Variants in KLHDC8A observed in about 807,000 individuals in gnomAD.
KLHDC8A encodes the protein kelch domain containing 8A, also known as kelch domain-containing protein 8A.
KLHDC8A carries 21 observed loss-of-function variants against 33.1 expected under a neutral mutation model. That is an observed-to-expected ratio of 0.64 (90% CI 0.45 to 0.91). The LOEUF (loss-of-function observed/expected upper bound fraction) is 0.91, where lower values mean the gene tolerates loss of function less well. KLHDC8A is among the 40% of genes least tolerant of loss of function. KLHDC8A has a pLI of 0.00. For synonymous variants in KLHDC8A, 173 were observed against 193.5 expected (o/e 0.89, Z 0.88); for missense variants, 435 against 483.3 (o/e 0.90, Z 0.94).
chr1:205,347,117 G>A (rs141303225), intron 1 of KLHDC8A, among the ~76,000 whole-genome samples: 3 of 152,070 alleles, frequency 2.0e-5, no homozygotes, highest in Admixed American at 6.6e-5. Flanking sequence ...CTTCCTCTCC[G>A]CCAGGTAACA....
intron 1 of KLHDC8A, among the ~76,000 whole-genome samples, chr1:205,352,229 C>T (rs921185592): frequency 2.6e-5 from 4 of 152,202 alleles, no homozygotes; most frequent in Non-Finnish European, 5.9e-5. Context: ...TAAGAGCCCA[C>T]CAGCCTCCCT....
intron 2 of KLHDC8A, among the ~76,000 whole-genome samples, chr1:205,341,865 G>T (rs980043571): frequency 2.0e-5 from 3 of 152,136 alleles, no homozygotes; most frequent in African/African-American, 7.2e-5. Flanking sequence ...TAGCTGGGAT[G>T]GTCTTGATCT....
At chr1:205,345,996 C>T (rs893176924) in intron 1 of KLHDC8A, among the ~76,000 whole-genome samples, 3 of 152,206 alleles carry the variant, frequency 2.0e-5, no homozygotes, top group Non-Finnish European at 2.9e-5. Context: ...ATCACTTGAA[C>T]GCGGGAAGCG....
At chr1:205,353,395 G>A (rs2102302701) in intron 1 of KLHDC8A, among the ~76,000 whole-genome samples, 1 of 152,360 alleles carries the variant, frequency 6.6e-6, no homozygotes, top group African/African-American at 2.4e-5. Context: ...GCAGAATGGA[G>A]TAGTTGCAAC....
At chr1:205,346,392 C>T (rs921007594) in intron 1 of KLHDC8A, among the ~76,000 whole-genome samples, 4 of 152,186 alleles carry the variant, frequency 2.6e-5, no homozygotes, top group African/African-American at 7.2e-5. Flanking sequence ...TTGTTGGAGT[C>T]CATCCTTAGC....
intron 1 of KLHDC8A, among the ~76,000 whole-genome samples, chr1:205,347,493 G>A (rs1662978668): frequency 6.6e-6 from 1 of 152,200 alleles, no homozygotes; most frequent in African/African-American, 2.4e-5. Context: ...GCCGAGGCAG[G>A]TGATTACATG....
chr1:205,347,867 T>C (rs1457460161), intron 1 of KLHDC8A, among the ~76,000 whole-genome samples: 2 of 152,208 alleles, frequency 1.3e-5, no homozygotes, highest in African/African-American at 4.8e-5. Flanking sequence ...TCAATCAAAC[T>C]TGAGGATGCT....
At chr1:205,342,000 A>G (rs960210454) in intron 2 of KLHDC8A, among the ~76,000 whole-genome samples, 1 of 152,228 alleles carries the variant, frequency 6.6e-6, no homozygotes, top group African/African-American at 2.4e-5. Flanking sequence ...TGTTAAATCT[A>G]CAGCCCCAGC....
intron 1 of KLHDC8A, among the ~76,000 whole-genome samples, chr1:205,349,720 A>T (rs1663041938): frequency 6.6e-6 from 1 of 152,244 alleles, no homozygotes; most frequent in Non-Finnish European, 1.5e-5. Context: ...CAGCAATGTC[A>T]GAAACCTGAA....
intron 1 of KLHDC8A, among the ~76,000 whole-genome samples, chr1:205,350,245 G>A: frequency 6.6e-6 from 1 of 152,040 alleles, no homozygotes; most frequent in East Asian, 1.9e-4. Context: ...CCCAGGACAA[G>A]GGGGTGCCTT....
In KLHDC8A at chr1:205,356,622, C is replaced by G. The variant is rs1437355161; in HGVS notation, c.-279G>C. 2 of 455,650 alleles carry G rather than the reference C, an allele frequency of 4.4e-6. No homozygotes were observed. The highest frequency in any genetic ancestry group is 8.8e-6 in the Non-Finnish European group (2 of 226,808). 28.2% of individuals were successfully genotyped at this position (455,650 alleles called of 1,614,324 possible). On this transcript the variant is annotated 5_prime_UTR_variant, in exon 1 of 6. Transcript: ENST00000367155. ...CGGGAGAGGGTCGAGCGGGTGTTGG[C>G]TCTGAGGCTTGTCCTAGGAGCTGGC...
In KLHDC8A at chr1:205,336,089, C is replaced by A. The variant is rs928546610; in HGVS notation, c.*1310G>T. Reference sequence around the variant, plus strand: ...TGAGTGATACCTGACTCCTCCAGAACCCTTCAGGGCAGGCATTTTATTCAT... The same window carrying A: ...TGAGTGATACCTGACTCCTCCAGAAACCTTCAGGGCAGGCATTTTATTCAT... On this transcript the variant is annotated 3_prime_UTR_variant, in exon 6 of 6. Transcript: ENST00000367155. 1 of 152,154 alleles carries A rather than the reference C, an allele frequency of 6.6e-6. No homozygotes were observed. Among genetic ancestry groups the A allele is most frequent in the Non-Finnish European group, 1.5e-5 (1 of 68,026 alleles). 9.4% of individuals were successfully genotyped at this position (152,154 alleles called of 1,614,324 possible). A position where few individuals can be genotyped will look rare whatever the true frequency, so the allele number is the denominator to read the frequency against.
Position 205,339,831 on chromosome 1 carries a change from C to T in KLHDC8A, c.377-23G>A, listed in dbSNP as rs1191196356. On this transcript the variant is annotated intron_variant, in intron 2 of 5. Coordinates refer to ENST00000367155, the MANE Select transcript of KLHDC8A (RefSeq NM_018203.3). The surrounding 1 kb of genome is among the most constrained non-coding windows in gnomAD (Gnocchi z 5.1). ...AATCTAAGAAGAAAGGCCATACATG[C>T]CCCTGGCTTAGCTCACAGGTACAGC... is the stretch of plus-strand genomic sequence containing the variant. 7.5e-6 allele frequency: 12 copies of T among 1,608,274 alleles called. No individual in the cohort carries two copies. The highest frequency in any genetic ancestry group is 1.1e-5 in the South Asian group (1 of 90,524).
chr1:205,337,315 G>T lies in KLHDC8A; in HGVS notation c.*84C>A. 8.5e-7 allele frequency: 1 copy of T among 1,176,540 alleles called. No individual in the cohort carries two copies. Among genetic ancestry groups the T allele is most frequent in the Non-Finnish European group, 1.3e-6 (1 of 799,480 alleles). 72.9% of individuals were successfully genotyped at this position (1,176,540 alleles called of 1,614,324 possible). On this transcript the variant is annotated 3_prime_UTR_variant, in exon 6 of 6. Transcript: ENST00000367155. ...ACAGGAGCTGACATTCTTGGAAGTA[G>T]CCCCGACTGCTTGGACAAGATCATT...
In KLHDC8A at chr1:205,339,240, C is replaced by T. The variant is rs1105387; in HGVS notation, c.711G>A (p.Arg237=). The change falls in exon 4 of 6, where the codon CGG becomes CGA. Residue 237 remains arginine, a synonymous_variant. Coordinates refer to ENST00000367155, the MANE Select transcript of KLHDC8A (RefSeq NM_018203.3). The surrounding 1 kb of genome is among the most constrained non-coding windows in gnomAD (Gnocchi z 5.1). The stretch of plus-strand genomic sequence containing the variant: ...CCATCGTCCGCAGGAACTTGGGCTG[C>T]CGGTAGAGGCGACCTTGCCGCAGGC... ...LGGLRQGRLY[R]QPKFLRTMDV... The T allele has an allele frequency of 0.27, 441,395 of 1,613,424 alleles. 63,216 individuals carry two copies. Among genetic ancestry groups the T allele is most frequent in the Non-Finnish European group, 0.3 (349,062 of 1,179,462 alleles).
intron 2 of KLHDC8A, 200 bp from the exon 3 acceptor site, chr1:205,340,008 T>A (rs181979479): frequency 5.3e-5 from 21 of 393,558 alleles, no homozygotes; most frequent in East Asian, 5.2e-4. Flanking sequence ...CTGTTTCTTT[T>A]TTTTTATTTT....
chr1:205,338,510 C>T lies in KLHDC8A; in HGVS notation c.844G>A (p.Val282Met). The T allele has an allele frequency of 6.2e-7, 1 of 1,613,868 alleles. No homozygotes were observed. Among genetic ancestry groups the T allele is most frequent in the Non-Finnish European group, 8.5e-7 (1 of 1,179,718 alleles). ...VAGSLSGRVI[V>M]AGGLGNQPTV... ...CCATCCTTACCAAGTCCCCCAGCCA[C>T]TATGACCCGTCCACTCAGAGAGCCA... Residue 282 changes from valine to methionine, a missense_variant, in exon 5 of 6, where the codon GTG becomes ATG. Val to Met is a conservative substitution (Grantham distance 21). Coordinates refer to ENST00000367155, the MANE Select transcript of KLHDC8A (RefSeq NM_018203.3).
chr1:205,347,037 G>A (rs1410612104), intron 1 of KLHDC8A, among the ~76,000 whole-genome samples: 1 of 152,160 alleles, frequency 6.6e-6, no homozygotes. Context: ...CTAACAACAG[G>A]ATGTCTTCCA....
Position 205,337,414 on chromosome 1 carries a change from A to C in KLHDC8A, c.1038T>G (p.Cys346Trp), listed in dbSNP as rs753140848. 6.2e-7 allele frequency: 1 copy of C among 1,613,238 alleles called. No homozygotes were observed. Among genetic ancestry groups the C allele is most frequent in the Non-Finnish European group, 8.5e-7 (1 of 1,179,874 alleles). ...CCAGAGACAGCTAGGAGTCAGAGAC[A>C]CACAGGGCCTCCACTGCGTCACTCA... ...QGLSDAVEAL[C>W]VSDS The change falls in exon 6 of 6, where the codon TGT (cysteine) becomes TGG (tryptophan). Residue 346 changes from cysteine (C) to tryptophan (W), a missense_variant. By Grantham distance (215) the Cys-to-Trp change is radical (BLOSUM62 -2). Coordinates refer to ENST00000367155, the MANE Select transcript of KLHDC8A (RefSeq NM_018203.3).
Sources: gnomAD v4.1 joint callset for allele counts (sites outside exome capture counted in the v4.1 genomes callset) on GRCh38, gnomAD v4.1.1 for gene constraint, Gnocchi (gnomAD v3.1) non-coding constraint, MANE v1.5 for transcripts, NCBI Gene and HGNC (gene_info 2026-07-23, HGNC 2026-07-21) for gene names.